TMEM35A: variants seen among roughly 807,000 people sequenced by gnomAD.
TMEM35A encodes the protein transmembrane protein 35A, also known as nicotinic acetylcholine receptor chaperone.
For synonymous variants in TMEM35A, 50 were observed against 54.7 expected, an observed-to-expected ratio of 0.91 and a Z score of 0.38; for missense variants, 83 against 132.7, an observed-to-expected ratio of 0.63 and a Z score of 1.84.
chrX:101,092,478 T>C (rs1447813241), intron 1 of TMEM35A, among the ~76,000 whole-genome samples: 1 of 111,928 alleles, frequency 8.9e-6, no homozygotes, highest in Non-Finnish European at 1.9e-5. Flanking sequence ...CCTACTAGTC[T>C]GAAAGCTTCA....
chrX:101,090,047 T>C (rs781215954), intron 1 of TMEM35A, among the ~76,000 whole-genome samples: 1 of 111,830 alleles, frequency 8.9e-6, no homozygotes, highest in African/African-American at 3.3e-5. Flanking sequence ...CACTTTTGAC[T>C]ATTCTCTTCT....
intron 1 of TMEM35A, among the ~76,000 whole-genome samples, chrX:101,087,251 C>G (rs755671223): frequency 8.9e-6 from 1 of 112,042 alleles, no homozygotes; most frequent in South Asian, 3.7e-4. Context: ...CCACTGCGCC[C>G]GGCCAATAGG....
intron 1 of TMEM35A, among the ~76,000 whole-genome samples, chrX:101,092,123 A>G (rs1286640232): frequency 9.0e-6 from 1 of 111,431 alleles, no homozygotes; most frequent in Non-Finnish European, 1.9e-5. Flanking sequence ...TATCCAGAGT[A>G]TCCAGAACAG....
rs903797361 is a variant in TMEM35A, at chrX:101,096,238, T to TG, written c.*1290dup. On this transcript the variant is annotated 3_prime_UTR_variant, in exon 2 of 2. Transcript: ENST00000372930. ...TATTATTGTGCCAGGGATGGGGAAA[T>TG]GGGGGGGGTTGTGTGGGAAGAGTAC... 74 of 110,264 alleles carry TG rather than the reference T, an allele frequency of 6.7e-4. 1 individual carries two copies. Among genetic ancestry groups the TG allele is most frequent in the African/African-American group, 1.8e-3 (56 of 30,300 alleles). The allele number at this position is 110,264 out of a possible 1,213,427, so 9.1% of individuals were successfully genotyped here. A position where few individuals can be genotyped will look rare whatever the true frequency, so the allele number is the denominator to read the frequency against.
chrX:101,085,448 A>G, intron 1 of TMEM35A, among the ~76,000 whole-genome samples: 1 of 109,794 alleles, frequency 9.1e-6, no homozygotes, highest in Non-Finnish European at 1.9e-5. Context: ...CAAAAATACA[A>G]AAATTAGTTG....
chrX:101,079,207 C>T (rs1602741180), intron 1 of TMEM35A, 85 bp downstream of exon 1: 2 of 1,098,120 alleles, frequency 1.8e-6, no homozygotes, highest in Admixed American at 2.6e-5. Context: ...AGTTTCTGGT[C>T]CCACCCCCTT....
At chrX:101,091,302 C>CT (rs111453010) in intron 1 of TMEM35A, among the ~76,000 whole-genome samples, 4,266 of 90,059 alleles carry the variant, frequency 0.047, 111 homozygotes, top group African/African-American at 0.074. Context: ...CTCTCTCTCT[C>CT]TTTTTTTTTT....
chrX:101,094,922 A>G lies in TMEM35A; in HGVS notation c.470A>G (p.Glu157Gly), dbSNP rs886992947. 6 of 1,200,782 alleles carry G rather than the reference A, an allele frequency of 5.0e-6. No homozygotes were observed. Among genetic ancestry groups the G allele is most frequent in the Non-Finnish European group, 6.7e-6 (6 of 892,464 alleles). ...GCTGAGGAGCAACCCTCCTTATATG[A>G]GAAGGCCCCTCAGGGCAAAGTGAAG... ...GNAEEQPSLYEKAPQGKVKVS is the reference protein window; with the variant it reads ...GNAEEQPSLYGKAPQGKVKVS The change falls in exon 2 of 2, where the codon GAG becomes GGG. Residue 157 changes from glutamate to glycine, a missense_variant. By Grantham distance (98) the Glu-to-Gly change is moderately conservative (BLOSUM62 -2). Coordinates refer to ENST00000372930, the MANE Select transcript of TMEM35A (RefSeq NM_021637.3).
chrX:101,086,952 CTTTTTTT>C (rs144682101), intron 1 of TMEM35A, among the ~76,000 whole-genome samples: 2 of 72,700 alleles, frequency 2.8e-5, no homozygotes, highest in Non-Finnish European at 5.1e-5. Flanking sequence ...TAATAGGATT[CTTTTTTT>C]TTTTTTTTTT....
chrX:101,081,239 T>G (rs900030396), intron 1 of TMEM35A, among the ~76,000 whole-genome samples: 2 of 112,101 alleles, frequency 1.8e-5, no homozygotes. Context: ...GACGTCACAA[T>G]AGTTTGAAGA....
intron 1 of TMEM35A, 41 bp from the exon 2 acceptor site, chrX:101,094,532 A>G: frequency 1.7e-6 from 2 of 1,147,303 alleles, no homozygotes; most frequent in South Asian, 2.1e-5. Flanking sequence ...TGTTAAAATC[A>G]TGGTTAATGC....
At chrX:101,088,732 C>T (rs2089314622) in intron 1 of TMEM35A, among the ~76,000 whole-genome samples, 1 of 110,445 alleles carries the variant, frequency 9.1e-6, no homozygotes, top group African/African-American at 3.3e-5. Context: ...ATGGTGAAAA[C>T]CAGTCTCTAC....
rs190746276 is a variant in TMEM35A, at chrX:101,080,601, C to T, written c.120+1479C>T. Among the ~76,000 whole-genome samples the T allele has an allele frequency of 2.8e-5, 3 of 109,089 alleles. No individual in the cohort carries two copies. The East Asian group carries it at 8.6e-4, about 31-fold the overall frequency. 94.7% of individuals were successfully genotyped at this position (109,089 alleles called of 115,157 possible). On this transcript the variant is annotated intron_variant, in intron 1 of 1. Coordinates refer to ENST00000372930, the MANE Select transcript of TMEM35A (RefSeq NM_021637.3). ...GCAGCCTGCACTGGGAGAAGAGGGA[C>T]AGGGTGGGGTAGCAGAAGCCACCAA...
rs751184196 is a variant in TMEM35A at position 101,090,656 on chromosome X, T to G, written c.121-3917T>G. On this transcript the variant is annotated intron_variant, in intron 1 of 1. Coordinates refer to ENST00000372930, the MANE Select transcript of TMEM35A (RefSeq NM_021637.3). ...CAAAACCCCCAAATTGAGTTCCTCA[T>G]TCTTTCCTGATCCCTGACCCCCGCA... 3.4e-4 allele frequency among the ~76,000 whole-genome samples: 38 copies of G among 110,237 alleles called. No individual in the cohort carries two copies. In the Middle Eastern group the frequency reaches 0.014, roughly 40 times the overall value.
intron 1 of TMEM35A, among the ~76,000 whole-genome samples, chrX:101,079,462 G>C (rs975099570): frequency 9.0e-6 from 1 of 111,522 alleles, no homozygotes; most frequent in African/African-American, 3.3e-5. Flanking sequence ...CGGGCAACCA[G>C]TATACAAGTC....
intron 1 of TMEM35A, among the ~76,000 whole-genome samples, chrX:101,085,333 GCTCACGCCTGTAATCCCAGCA>G (rs1257679260): frequency 8.9e-6 from 1 of 112,330 alleles, no homozygotes; most frequent in Admixed American, 9.5e-5. Flanking sequence ...GGGCGCGGTC[GCTCACGCCTGTAATCCCAGCA>G]CTTTGGGAAG....
chrX:101,081,393 G>A (rs1762356422), intron 1 of TMEM35A: 1 of 112,689 alleles, frequency 8.9e-6, no homozygotes, highest in Non-Finnish European at 1.9e-5. Context: ...GAAAGGGAGG[G>A]AAATTCAGTT....
chrX:101,090,720 AG>A (rs1037560881), intron 1 of TMEM35A, among the ~76,000 whole-genome samples: 4 of 111,083 alleles, frequency 3.6e-5, no homozygotes, highest in African/African-American at 1.3e-4. Flanking sequence ...ACCCATACTT[AG>A]AGAATGGTAA....
intron 1 of TMEM35A, among the ~76,000 whole-genome samples, chrX:101,082,309 G>T (rs372486447): frequency 9.6e-6 from 1 of 104,655 alleles, no homozygotes; most frequent in African/African-American, 3.5e-5. Context: ...AGGGTTAGTG[G>T]AAAGAGTGCA....
Sources: allele counts gnomAD v4.1 joint callset (sites outside exome capture counted in the v4.1 genomes callset), GRCh38; gene constraint gnomAD v4.1.1; transcripts MANE v1.5; gene names NCBI Gene and HGNC (gene_info 2026-07-23, HGNC 2026-07-21).